ABCA13: variants seen among roughly 807,000 people sequenced by gnomAD.
ABCA13 encodes the protein ATP binding cassette subfamily A member 13.
In ABCA13, 476 loss-of-function variants were observed where a neutral mutation model predicts 478.7. That is an observed-to-expected ratio of 0.99 (90% CI 0.92 to 1.07). The LOEUF is 1.07. Ranked by LOEUF, ABCA13 falls within the 50% of genes least tolerant of loss-of-function variation. The pLI is 0.00. For synonymous variants in ABCA13, 2,252 were observed against 2,158.9 expected, an observed-to-expected ratio of 1.04 and a Z score of -1.20; for missense variants, 6,060 against 5,910.6, an observed-to-expected ratio of 1.03 and a Z score of -0.83.
chr7:48,647,447 A>C lies in ABCA13; in HGVS notation c.*1935A>C, dbSNP rs1296020493. 6.6e-6 allele frequency: 1 copy of C among 152,224 alleles called. No homozygotes were observed. Among genetic ancestry groups the C allele is most frequent in the Non-Finnish European group, 1.5e-5 (1 of 68,038 alleles). The allele number at this position is 152,224 out of a possible 1,614,324, so 9.4% of individuals were successfully genotyped here. A position where few individuals can be genotyped will look rare whatever the true frequency, so the allele number is the denominator to read the frequency against. On this transcript the variant is annotated 3_prime_UTR_variant, in exon 62 of 62. Coordinates refer to ENST00000435803, the MANE Select transcript of ABCA13 (RefSeq NM_152701.5). ...AATAAATACCAATTTGTGAAACATG[A>C]ATGTGTTTAAACTGCAGTGAATAAA...
intron 38 of ABCA13, among the ~76,000 whole-genome samples, chr7:48,396,327 T>A (rs1816824056): frequency 6.6e-6 from 1 of 152,226 alleles, no homozygotes; most frequent in Non-Finnish European, 1.5e-5. Flanking sequence ...GCTACCTACA[T>A]TGTATAAAGG....
chr7:48,272,018 C>G lies in ABCA13; in HGVS notation c.2352C>G (p.Asp784Glu), dbSNP rs1035404967. 1 of 1,613,556 alleles carries G rather than the reference C, an allele frequency of 6.2e-7. No individual in the cohort carries two copies. Among genetic ancestry groups the G allele is most frequent in the Non-Finnish European group, 8.5e-7 (1 of 1,179,682 alleles). The change falls in exon 17 of 62, where the codon GAC becomes GAG. Residue 784 changes from aspartate (D) to glutamate (E), a missense_variant. Physicochemically the swap from Asp to Glu is conservative, Grantham distance 45 (BLOSUM62 2). Coordinates refer to ENST00000435803, the MANE Select transcript of ABCA13 (RefSeq NM_152701.5). ...WTNHLKSLKRDPSATDAQKLL... is the reference protein window; with the variant it reads ...WTNHLKSLKREPSATDAQKLL... ...ATCATTTAAAAAGTTTAAAGAGAGA[C>G]CCATCTGCCACTGATGCTCAGAAAC...
chr7:48,420,196 CAT>C (rs1820561735), intron 41 of ABCA13, among the ~76,000 whole-genome samples: 1 of 152,164 alleles, frequency 6.6e-6, no homozygotes, highest in Admixed American at 6.5e-5. Flanking sequence ...AGCTAAAAAG[CAT>C]ATTTTATTTC....
chr7:48,509,734 T>A (rs1330514519), intron 50 of ABCA13, among the ~76,000 whole-genome samples: 1 of 152,218 alleles, frequency 6.6e-6, no homozygotes, highest in African/African-American at 2.4e-5. Flanking sequence ...AAGGTTGCTA[T>A]AGACTAAATG....
At chr7:48,485,687 C>A (rs1260224089) in intron 47 of ABCA13, among the ~76,000 whole-genome samples, 1 of 152,180 alleles carries the variant, frequency 6.6e-6, no homozygotes, top group Non-Finnish European at 1.5e-5. Flanking sequence ...ATGTAGCAAA[C>A]AACTGCAAAC....
intron 3 of ABCA13, among the ~76,000 whole-genome samples, chr7:48,202,045 G>T (rs1017894778): frequency 8.5e-5 from 13 of 152,138 alleles, no homozygotes; most frequent in African/African-American, 2.9e-4. Context: ...GGTATCAGGA[G>T]TGAAGCCGCA....
At position 48,403,771 on chromosome 7, in the gene ABCA13, A is replaced by G. The variant is rs376737193; in HGVS notation, c.11962A>G (p.Ile3988Val). 1 of 1,613,874 alleles carries G rather than the reference A, an allele frequency of 6.2e-7. No individual in the cohort carries two copies. Among genetic ancestry groups the G allele is most frequent in the African/African-American group, 1.3e-5 (1 of 74,932 alleles). ...GGLKRKLSLG[I>V]AFMGMSRTVV... The stretch of plus-strand genomic sequence containing the variant: ...CCTGAAGAGGAAGCTCTCCCTTGGC[A>G]TTGCTTTCATGGGCATGTCGAGGAC... The change falls in exon 39 of 62, where the codon ATT becomes GTT. Residue 3988 changes from isoleucine to valine, a missense_variant. By Grantham distance (29) the Ile-to-Val change is conservative. This residue lies in a region of ABCA13 where 1,627 missense variants were observed against 1,571.0 expected (regional missense o/e 1.04). Transcript: ENST00000435803.
intron 54 of ABCA13, among the ~76,000 whole-genome samples, chr7:48,526,976 C>A (rs1832928404): frequency 6.6e-6 from 1 of 152,050 alleles, no homozygotes; most frequent in Non-Finnish European, 1.5e-5. Context: ...CTCCCAATTT[C>A]ATTTTTGTAT....
chr7:48,258,755 A>G (rs1418389180), intron 15 of ABCA13, among the ~76,000 whole-genome samples: 1 of 152,160 alleles, frequency 6.6e-6, no homozygotes, highest in Non-Finnish European at 1.5e-5. Flanking sequence ...GTTTAGTGCT[A>G]TAAACTTCCC....
At chr7:48,596,399 A>C (rs1253552236) in intron 58 of ABCA13, among the ~76,000 whole-genome samples, 1 of 152,224 alleles carries the variant, frequency 6.6e-6, no homozygotes, top group African/African-American at 2.4e-5. Flanking sequence ...AACCACTGTA[A>C]GTATGGAATT....
intron 52 of ABCA13, among the ~76,000 whole-genome samples, chr7:48,519,278 C>G (rs1832360282): frequency 6.6e-6 from 1 of 152,126 alleles, no homozygotes; most frequent in Non-Finnish European, 1.5e-5. Context: ...GTGCACATAT[C>G]TTTGGAATAG....
intron 34 of ABCA13, 49 bp from the exon 35 acceptor site, chr7:48,376,392 C>T (rs1269217911): frequency 3.0e-5 from 48 of 1,583,180 alleles, no homozygotes; most frequent in Non-Finnish European, 3.9e-5. Flanking sequence ...CAAAATCTAC[C>T]ATAAAAGAGC....
intron 49 of ABCA13, among the ~76,000 whole-genome samples, chr7:48,507,315 C>A (rs1585636877): frequency 6.6e-6 from 1 of 152,152 alleles, no homozygotes; most frequent in East Asian, 1.9e-4. Flanking sequence ...TGAGAGGAGG[C>A]AGCAATTGAC....
At chr7:48,244,537 A>G (rs1427977624) in intron 10 of ABCA13, 39 bp from the exon 11 acceptor site, 4 of 1,593,304 alleles carry the variant, frequency 2.5e-6, no homozygotes. Context: ...ACTTCGAACT[A>G]CTTTTCATTT....
intron 29 of ABCA13, among the ~76,000 whole-genome samples, chr7:48,343,392 G>C (rs1273296094): frequency 6.6e-6 from 1 of 151,912 alleles, no homozygotes; most frequent in African/African-American, 2.4e-5. Flanking sequence ...GGTGGGGTGG[G>C]GATCTCACCT....
intron 42 of ABCA13, among the ~76,000 whole-genome samples, chr7:48,450,954 G>T (rs1824931796): frequency 6.8e-6 from 1 of 146,632 alleles, no homozygotes; most frequent in Non-Finnish European, 1.5e-5. Flanking sequence ...CTTGTTTCTT[G>T]CCTCTTGTTA....
intron 2 of ABCA13, among the ~76,000 whole-genome samples, chr7:48,193,972 T>C (rs1317423495): frequency 7.2e-6 from 1 of 138,192 alleles, no homozygotes; most frequent in African/African-American, 2.7e-5. Flanking sequence ...ATTGAGATGA[T>C]GGTGATGATG....
chr7:48,186,251 TA>T (rs1159360024), intron 1 of ABCA13, among the ~76,000 whole-genome samples: 5 of 151,922 alleles, frequency 3.3e-5, no homozygotes, highest in Admixed American at 3.3e-4. Context: ...TGTTGTTGGA[TA>T]ACTTGGTTTC....
intron 15 of ABCA13, among the ~76,000 whole-genome samples, chr7:48,264,885 A>G (rs1345901309): frequency 6.6e-6 from 1 of 151,702 alleles, no homozygotes; most frequent in Non-Finnish European, 1.5e-5. Context: ...TTTTGCCTAT[A>G]TATTTTTTCT....
Sources: allele counts gnomAD v4.1 joint callset (sites outside exome capture counted in the v4.1 genomes callset), GRCh38; gene constraint gnomAD v4.1.1; regional missense constraint gnomAD v4.1.1; transcripts MANE v1.5; gene names NCBI Gene and HGNC (gene_info 2026-07-23, HGNC 2026-07-21).